Variants in TAS2R1 observed in about 807,000 individuals in gnomAD.
TAS2R1 encodes the protein taste receptor type 2 member 1.
For synonymous variants in TAS2R1, 141 were observed against 134.2 expected, an observed-to-expected ratio of 1.05 and a Z score of -0.35; for missense variants, 370 against 353.4, an observed-to-expected ratio of 1.05 and a Z score of -0.38.
At chr5:9,708,317 C>T (rs866406836) in intron 1 of TAS2R1, among the ~76,000 whole-genome samples, 1 of 152,288 alleles carries the variant, frequency 6.6e-6, no homozygotes, top group East Asian at 1.9e-4. Context: ...GGTGCTGTGC[C>T]GCAGAGCAGA....
chr5:9,867,986 C>A, the TAS2R1 span, among the ~76,000 whole-genome samples: 3 of 152,210 alleles, frequency 2.0e-5, no homozygotes, highest in Non-Finnish European at 4.4e-5. Context: ...CCATGTCTCA[C>A]ATCCAGGTCA....
chr5:9,680,071 G>A (rs1204566534), intron 1 of TAS2R1, among the ~76,000 whole-genome samples: 1 of 152,196 alleles, frequency 6.6e-6, no homozygotes, highest in Non-Finnish European at 1.5e-5. Flanking sequence ...ATTAATGGGA[G>A]TGTGTCAAAG....
Position 9,664,198 on chromosome 5 carries a change from C to T in TAS2R1, c.-241-4617G>A, listed in dbSNP as rs138445582. Among the ~76,000 whole-genome samples the T allele has an allele frequency of 7.1e-3, 1,083 of 152,272 alleles. 17 individuals carry two copies. Among genetic ancestry groups the T allele is most frequent in the African/African-American group, 0.025 (1,023 of 41,552 alleles). The stretch of plus-strand genomic sequence containing the variant: ...TTCTATATTGGCACTCCCCAACAAG[C>T]GAGCAGGGCCATCATCTCTGAATTA... On this transcript the variant is annotated intron_variant, in intron 1 of 2. Coordinates refer to the TAS2R1 transcript ENST00000506620.
At chr5:9,709,398 A>G (rs114571805) in intron 1 of TAS2R1, among the ~76,000 whole-genome samples, 2,226 of 152,200 alleles carry the variant, frequency 0.015, 61 homozygotes, top group African/African-American at 0.051. Flanking sequence ...TCCCTGCCTC[A>G]AATCTACCCT....
the TAS2R1 span, among the ~76,000 whole-genome samples, chr5:9,867,453 G>A: frequency 6.6e-6 from 1 of 152,022 alleles, no homozygotes; most frequent in Non-Finnish European, 1.5e-5. Context: ...GTGTATGCAA[G>A]GGATCTGCTC....
the TAS2R1 span, among the ~76,000 whole-genome samples, chr5:9,764,719 C>A: frequency 6.6e-6 from 1 of 152,186 alleles, no homozygotes; most frequent in African/African-American, 2.4e-5. Flanking sequence ...AACAATTTCT[C>A]TAGATATATC....
At chr5:9,723,155 C>T in the TAS2R1 span, among the ~76,000 whole-genome samples, 1 of 152,178 alleles carries the variant, frequency 6.6e-6, no homozygotes, top group East Asian at 1.9e-4. Flanking sequence ...GCTAATCCAG[C>T]TTGCAGATGG....
At chr5:9,841,203 C>G in the TAS2R1 span, among the ~76,000 whole-genome samples, 1 of 152,102 alleles carries the variant, frequency 6.6e-6, no homozygotes, top group African/African-American at 2.4e-5. Context: ...TTTGTTTTTG[C>G]AAGCTTACTT....
chr5:9,671,602 A>G (rs1248486629), intron 1 of TAS2R1, among the ~76,000 whole-genome samples: 1 of 152,186 alleles, frequency 6.6e-6, no homozygotes, highest in African/African-American at 2.4e-5. Flanking sequence ...AGATCTCTAC[A>G]ATGAGAATTA....
the TAS2R1 span, among the ~76,000 whole-genome samples, chr5:9,831,767 T>C: frequency 6.6e-6 from 1 of 152,190 alleles, no homozygotes; most frequent in Admixed American, 6.5e-5. Flanking sequence ...TCTTGCTTAT[T>C]AAACCTTTCT....
At chr5:9,720,635 G>A in the TAS2R1 span, among the ~76,000 whole-genome samples, 1 of 152,226 alleles carries the variant, frequency 6.6e-6, no homozygotes, top group Non-Finnish European at 1.5e-5. Flanking sequence ...CCTGTCTGCA[G>A]TAGGAATGTA....
intron 1 of TAS2R1, among the ~76,000 whole-genome samples, chr5:9,692,165 G>A (rs577245961): frequency 1.3e-5 from 2 of 152,276 alleles, no homozygotes; most frequent in East Asian, 3.9e-4. Context: ...TCGTGTGAAA[G>A]GACATCTGCA....
the TAS2R1 span, among the ~76,000 whole-genome samples, chr5:9,758,765 C>G: frequency 6.6e-6 from 1 of 152,204 alleles, no homozygotes; most frequent in Non-Finnish European, 1.5e-5. Context: ...AAAGACTCCC[C>G]CAGGCTTCGG....
At chr5:9,846,210 G>A in the TAS2R1 span, among the ~76,000 whole-genome samples, 142 of 152,316 alleles carry the variant, frequency 9.3e-4, no homozygotes, top group Non-Finnish European at 1.7e-3. Context: ...CAACAAAGAA[G>A]TAACAAGCAG....
intron 2 of TAS2R1, among the ~76,000 whole-genome samples, chr5:9,655,858 T>TC (rs1171916100): frequency 7.9e-6 from 1 of 126,076 alleles, no homozygotes; most frequent in Non-Finnish European, 1.6e-5. Context: ...TGGTTTTCTC[T>TC]TTTTTTTTTT....
chr5:9,785,982 CA>C, the TAS2R1 span, among the ~76,000 whole-genome samples: 6 of 152,118 alleles, frequency 3.9e-5, no homozygotes, highest in Admixed American at 2.6e-4. Flanking sequence ...AAAAAGTAAA[CA>C]AAAAAGTTTT....
the TAS2R1 span, among the ~76,000 whole-genome samples, chr5:9,795,500 AAAAAG>A: frequency 6.6e-6 from 1 of 152,114 alleles, no homozygotes; most frequent in Non-Finnish European, 1.5e-5. Context: ...CCAAGAAAAA[AAAAAG>A]AAAAGTAGCC....
At chr5:9,674,894 G>C (rs531247457) in intron 1 of TAS2R1, among the ~76,000 whole-genome samples, 1 of 151,764 alleles carries the variant, frequency 6.6e-6, no homozygotes, top group South Asian at 2.1e-4. Context: ...AGGGTATATG[G>C]GCTGGAAAAG....
At chr5:9,802,738 T>C in the TAS2R1 span, among the ~76,000 whole-genome samples, 1 of 151,940 alleles carries the variant, frequency 6.6e-6, no homozygotes, top group Non-Finnish European at 1.5e-5. Flanking sequence ...CCATCTCTAC[T>C]AAAAATACAA....
Sources: allele counts gnomAD v4.1 joint callset (sites outside exome capture counted in the v4.1 genomes callset), GRCh38; gene constraint gnomAD v4.1.1; transcripts MANE v1.5; gene names NCBI Gene and HGNC (gene_info 2026-07-23, HGNC 2026-07-21).